The following FANCL variants were observed in gnomAD, a reference collection of about 807,000 sequenced individuals.
FANCL encodes FA complementation group L.
A neutral mutation model predicts 59.4 loss-of-function variants in FANCL; 69 were observed. The observed-to-expected ratio is 1.16, with a 90% CI of 0.96 to 1.42. The LOEUF is 1.42. FANCL is among the 40% of genes most tolerant of loss of function. The pLI, the probability that FANCL is intolerant of heterozygous loss-of-function variation, is 0.00. For missense variants in FANCL, 519 were observed against 447.2 expected, an observed-to-expected ratio of 1.16 and a Z score of -1.45; for synonymous variants, 180 against 147.1, an observed-to-expected ratio of 1.22 and a Z score of -1.62.
chr2:58,166,657 G>C (rs1382407373), intron 7 of FANCL, among the ~76,000 whole-genome samples: 3 of 152,130 alleles, frequency 2.0e-5, no homozygotes, highest in African/African-American at 4.8e-5. Flanking sequence ...TTAATAAGAA[G>C]GATTTGTTTC....
At chr2:58,239,858 G>C (rs964982800) in intron 1 of FANCL, among the ~76,000 whole-genome samples, 32 of 152,244 alleles carry the variant, frequency 2.1e-4, no homozygotes, top group African/African-American at 7.7e-4. Flanking sequence ...GGAATTACTT[G>C]TACTGTATAT....
chr2:58,172,353 A>T (rs961630913), intron 7 of FANCL, among the ~76,000 whole-genome samples: 2 of 152,228 alleles, frequency 1.3e-5, no homozygotes, highest in Non-Finnish European at 2.9e-5. Flanking sequence ...GGCACCGCCC[A>T]GTAGGGGCAG....
chr2:58,212,806 T>G (rs1691315062), intron 5 of FANCL, among the ~76,000 whole-genome samples: 1 of 152,184 alleles, frequency 6.6e-6, no homozygotes, highest in Non-Finnish European at 1.5e-5. Flanking sequence ...TTGGGGAAGT[T>G]GCTGTTTTGA....
chr2:58,184,108 A>C (rs1055584069), intron 7 of FANCL, among the ~76,000 whole-genome samples: 1 of 152,048 alleles, frequency 6.6e-6, no homozygotes, highest in African/African-American at 2.4e-5. Context: ...ATTCCCTTTC[A>C]AGATGCCAAT....
At chr2:58,183,271 A>T (rs1237649257) in intron 7 of FANCL, among the ~76,000 whole-genome samples, 1 of 151,822 alleles carries the variant, frequency 6.6e-6, no homozygotes, top group Non-Finnish European at 1.5e-5. Flanking sequence ...AAATATCCAA[A>T]CTCTTAAGTT....
rs563039004 is a variant in FANCL, at chr2:58,241,221, A to G, written c.93T>C (p.Ala31=). Residue 31 remains alanine, a synonymous_variant, in exon 1 of 14, where the codon GCT becomes GCC. Coordinates refer to ENST00000233741, the MANE Select transcript of FANCL (RefSeq NM_018062.4). ...AAAGCAACCACTGGGCGGGTACCTG[A>G]GCCGAGATGAATCCCTCATACACGG... ...SKTVYEGFIS[A]QGRDFHLRIV... is the part of the protein sequence containing the mutation. 48 of 1,614,230 alleles carry G rather than the reference A, an allele frequency of 3.0e-5. 1 individual carries two copies. The South Asian group carries it at 5.3e-4, about 18-fold the overall frequency.
intron 7 of FANCL, among the ~76,000 whole-genome samples, chr2:58,168,451 G>A (rs904502905): frequency 9.2e-5 from 14 of 152,182 alleles, no homozygotes; most frequent in East Asian, 1.9e-4. Context: ...TTCACAACCC[G>A]CAGATCAGGA....
chr2:58,171,770 A>G (rs1573557868), intron 7 of FANCL, among the ~76,000 whole-genome samples: 1 of 152,220 alleles, frequency 6.6e-6, no homozygotes, highest in South Asian at 2.1e-4. Context: ...CAGTGGGTGC[A>G]GTGCACCATG....
rs765778508 is a variant in FANCL at position 58,159,468 on chromosome 2, A to C, written c.*297T>G. ...CAAACTCATTTTATGAGCCTCATCA[A>C]GATTTTACCAGTCCAGATATATTCA... is the stretch of plus-strand genomic sequence containing the variant. On this transcript the variant is annotated 3_prime_UTR_variant, in exon 14 of 14. Coordinates refer to ENST00000233741, the MANE Select transcript of FANCL (RefSeq NM_018062.4). 6.2e-7 allele frequency: 1 copy of C among 1,613,716 alleles called. No homozygotes were observed. Among genetic ancestry groups the C allele is most frequent in the Non-Finnish European group, 8.5e-7 (1 of 1,179,760 alleles).
At chr2:58,222,583 A>C (rs1047351831) in intron 4 of FANCL, among the ~76,000 whole-genome samples, 4 of 152,042 alleles carry the variant, frequency 2.6e-5, no homozygotes, top group African/African-American at 9.7e-5. Context: ...TCGGAGTATT[A>C]TGCCATCCAT....
intron 7 of FANCL, among the ~76,000 whole-genome samples, chr2:58,185,436 GC>G (rs1247237450): frequency 2.0e-5 from 3 of 152,046 alleles, no homozygotes; most frequent in Non-Finnish European, 4.4e-5. Flanking sequence ...CATCCAACTA[GC>G]ATATCTGACA....
intron 5 of FANCL, among the ~76,000 whole-genome samples, chr2:58,218,563 G>A (rs923040989): frequency 1.4e-4 from 21 of 151,866 alleles, no homozygotes; most frequent in African/African-American, 4.6e-4. Flanking sequence ...CATTGAAGTG[G>A]GTGGAGGAAA....
chr2:58,212,978 G>C (rs1450527240), intron 5 of FANCL, among the ~76,000 whole-genome samples: 1 of 152,054 alleles, frequency 6.6e-6, no homozygotes, highest in Non-Finnish European at 1.5e-5. Flanking sequence ...TTCCAACTTA[G>C]AATTTGTATA....
intron 6 of FANCL, among the ~76,000 whole-genome samples, chr2:58,201,426 T>C (rs375075791): frequency 5.3e-5 from 8 of 152,066 alleles, no homozygotes; most frequent in East Asian, 1.9e-4. Flanking sequence ...ACACAGTATT[T>C]TTTAGACTCT....
At chr2:58,218,469 C>A (rs374572843) in intron 5 of FANCL, among the ~76,000 whole-genome samples, 2 of 151,702 alleles carry the variant, frequency 1.3e-5, no homozygotes, top group East Asian at 3.9e-4. Context: ...CACTATAGAT[C>A]CTAAAATCAT....
rs561759044 is a variant in FANCL, at chr2:58,163,250, T to C, written c.776-176A>G. The C allele has an allele frequency of 2.7e-5, 20 of 734,250 alleles. 1 individual carries two copies. Among genetic ancestry groups the C allele is most frequent in the African/African-American group, 1.4e-4 (8 of 56,088 alleles). The allele number at this position is 734,250 out of a possible 1,614,324, so 45.5% of individuals were successfully genotyped here. A position where few individuals can be genotyped will look rare whatever the true frequency, so the allele number is the denominator to read the frequency against. ...CTGAGACATTGTCATTTAAAATAAC[T>C]ATCATTATTGCGGTGAACCGAGATC... On this transcript the variant is annotated intron_variant, in intron 9 of 13. Transcript: ENST00000233741.
intron 7 of FANCL, among the ~76,000 whole-genome samples, chr2:58,175,698 T>G (rs556086012): frequency 6.6e-5 from 10 of 152,264 alleles, no homozygotes; most frequent in Non-Finnish European, 1.0e-4. Flanking sequence ...GGCAAAAACT[T>G]GAAGCATTCC....
At chr2:58,215,121 A>G (rs1429597569) in intron 5 of FANCL, among the ~76,000 whole-genome samples, 1 of 152,208 alleles carries the variant, frequency 6.6e-6, no homozygotes, top group African/African-American at 2.4e-5. Context: ...ATCTGAAGAT[A>G]AGTCAAAATA....
At chr2:58,181,708 T>A (rs553448919) in intron 7 of FANCL, among the ~76,000 whole-genome samples, 1 of 152,088 alleles carries the variant, frequency 6.6e-6, no homozygotes, top group South Asian at 2.1e-4. Flanking sequence ...AGATGGTGGA[T>A]ACATGGGTAT....
Sources: allele counts gnomAD v4.1 joint callset (sites outside exome capture counted in the v4.1 genomes callset), GRCh38; gene constraint gnomAD v4.1.1; transcripts MANE v1.5; gene names NCBI Gene and HGNC (gene_info 2026-07-23, HGNC 2026-07-21).